The following BORCS5 variants were observed in gnomAD, a reference collection of about 807,000 sequenced individuals.
BORCS5 encodes BLOC-1 related complex subunit 5.
In BORCS5, 17 loss-of-function variants were observed where a neutral mutation model predicts 22.1. The ratio of observed to expected loss-of-function variants is 0.77; its 90% confidence interval spans 0.53 to 1.15. BORCS5 has a LOEUF of 1.15. Ranked by LOEUF, BORCS5 falls within the 50% of genes most tolerant of loss-of-function variation. The pLI, the probability that BORCS5 is intolerant of heterozygous loss-of-function variation, is 0.00. For synonymous variants in BORCS5, 117 were observed against 99.8 expected (o/e 1.17, Z -1.03); for missense variants, 247 against 253.2 (o/e 0.98, Z 0.17).
In BORCS5 at chr12:12,361,214, T is replaced by A; in HGVS notation, c.67T>A (p.Ser23Thr). Reference sequence around the variant, plus strand: ...TGTAACTTTATTTTCAGTGACTCCTTCACCAGCCAAGCATAGAGCCAAGAT... The same window carrying A: ...TGTAACTTTATTTTCAGTGACTCCTACACCAGCCAAGCATAGAGCCAAGAT... ...PNDLNSSVTP[S>T]PAKHRAKMDD... The change falls in exon 2 of 4, where the codon TCA (serine) becomes ACA (threonine). Residue 23 changes from serine to threonine, a missense_variant. Coordinates refer to ENST00000314565, the MANE Select transcript of BORCS5 (RefSeq NM_058169.6). The A allele has an allele frequency of 6.2e-7, 1 of 1,613,954 alleles. No individual in the cohort carries two copies. The highest frequency in any genetic ancestry group is 2.2e-5 in the East Asian group (1 of 44,862).
chr12:12,435,601 T>G, intron 2 of BORCS5, 27 bp from the exon 3 acceptor site: 1 of 1,587,388 alleles, frequency 6.3e-7, no homozygotes, highest in Non-Finnish European at 8.6e-7. Flanking sequence ...TAATTTTAAT[T>G]TCATTTCATT....
intron 2 of BORCS5, among the ~76,000 whole-genome samples, chr12:12,418,891 C>T (rs114884824): frequency 6.6e-6 from 1 of 152,042 alleles, no homozygotes; most frequent in Non-Finnish European, 1.5e-5. Context: ...GTGGCACTTA[C>T]TTCTGTCATT....
chr12:12,418,639 A>G (rs938827071), intron 2 of BORCS5, among the ~76,000 whole-genome samples: 1 of 152,212 alleles, frequency 6.6e-6, no homozygotes, highest in Non-Finnish European at 1.5e-5. Context: ...GTGAGCTATC[A>G]TCATGCCATT....
At chr12:12,414,395 A>C (rs1219294927) in intron 2 of BORCS5, among the ~76,000 whole-genome samples, 2 of 73,502 alleles carry the variant, frequency 2.7e-5, no homozygotes, top group Admixed American at 1.3e-4. Flanking sequence ...TGACCCCCCC[A>C]CCTCCCTCCC....
At chr12:12,414,071 A>C (rs1267584559) in intron 2 of BORCS5, among the ~76,000 whole-genome samples, 1 of 63,334 alleles carries the variant, frequency 1.6e-5, no homozygotes, top group Admixed American at 1.3e-4. Flanking sequence ...TGATCCCCCC[A>C]CATCCCTCCC....
chr12:12,416,750 C>T (rs549451391), intron 2 of BORCS5, among the ~76,000 whole-genome samples: 16 of 151,460 alleles, frequency 1.1e-4, no homozygotes, highest in Middle Eastern at 3.4e-3. Context: ...TTTGAGTCAC[C>T]GCACCCAACT....
chr12:12,364,141 C>G (rs1388496812), intron 2 of BORCS5, among the ~76,000 whole-genome samples: 3 of 151,946 alleles, frequency 2.0e-5, no homozygotes, highest in Non-Finnish European at 2.9e-5. Context: ...TTTGGGAGGC[C>G]GAGGAGGATG....
chr12:12,427,244 A>T (rs1168209985), intron 2 of BORCS5, among the ~76,000 whole-genome samples: 1 of 135,766 alleles, frequency 7.4e-6, no homozygotes, highest in Non-Finnish European at 1.5e-5. Flanking sequence ...TTGGTGGCAC[A>T]ATCTCGGCTC....
intron 2 of BORCS5, among the ~76,000 whole-genome samples, chr12:12,416,981 G>T (rs147290709): frequency 6.6e-6 from 1 of 150,824 alleles, no homozygotes; most frequent in Non-Finnish European, 1.5e-5. Flanking sequence ...AGTAGAGGTG[G>T]TGTTTCACCA....
At chr12:12,364,463 T>C (rs1048744504) in intron 2 of BORCS5, among the ~76,000 whole-genome samples, 3 of 152,192 alleles carry the variant, frequency 2.0e-5, no homozygotes, top group Admixed American at 6.5e-5. Flanking sequence ...TGTCTTCACG[T>C]TGAGTAGGCC....
chr12:12,359,897 C>A (rs1173366746), intron 1 of BORCS5, among the ~76,000 whole-genome samples: 1 of 151,894 alleles, frequency 6.6e-6, no homozygotes, highest in Non-Finnish European at 1.5e-5. Flanking sequence ...TGACTTTGGG[C>A]AAGTCACAGT....
At chr12:12,462,922 T>TCTGGGATTA (rs11280753) in intron 3 of BORCS5, among the ~76,000 whole-genome samples, 93,962 of 151,334 alleles carry the variant, frequency 0.62, 30,394 homozygotes, top group African/African-American at 0.8. Context: ...CTCCCAAAGT[T>TCTGGGATTA]CTGGTATGAG....
chr12:12,436,224 A>G (rs771137220), intron 3 of BORCS5, among the ~76,000 whole-genome samples: 1 of 152,222 alleles, frequency 6.6e-6, no homozygotes. Context: ...TTTCTTTCAA[A>G]GCAGGAGCTT....
chr12:12,391,631 G>T (rs567121130), intron 2 of BORCS5, among the ~76,000 whole-genome samples: 2 of 150,748 alleles, frequency 1.3e-5, no homozygotes, highest in African/African-American at 4.9e-5. Context: ...CAAATGATGC[G>T]CCCGCCTTGG....
At chr12:12,455,566 G>A (rs1390827784) in intron 3 of BORCS5, among the ~76,000 whole-genome samples, 1 of 152,146 alleles carries the variant, frequency 6.6e-6, no homozygotes, top group African/African-American at 2.4e-5. Context: ...GATCACCTGA[G>A]GTTAGGAGTT....
intron 2 of BORCS5, among the ~76,000 whole-genome samples, chr12:12,408,715 C>T (rs182005055): frequency 6.6e-6 from 1 of 152,268 alleles, no homozygotes; most frequent in Admixed American, 6.5e-5. Flanking sequence ...CATGTTGTTG[C>T]ATAGGTCAGA....
At chr12:12,422,273 CTTTCT>C (rs2136106173) in intron 2 of BORCS5, among the ~76,000 whole-genome samples, 1 of 145,728 alleles carries the variant, frequency 6.9e-6, no homozygotes, top group Admixed American at 7.1e-5. Flanking sequence ...ACCAGCTTAG[CTTTCT>C]TTTCTTTTAT....
At chr12:12,391,309 A>C (rs1941177074) in intron 2 of BORCS5, among the ~76,000 whole-genome samples, 1 of 152,088 alleles carries the variant, frequency 6.6e-6, no homozygotes. Context: ...AAAGAGGTAG[A>C]GGCATATCAA....
intron 2 of BORCS5, among the ~76,000 whole-genome samples, chr12:12,367,885 G>A (rs1863437498): frequency 6.6e-6 from 1 of 152,178 alleles, no homozygotes; most frequent in Non-Finnish European, 1.5e-5. Context: ...CTAGCTTAGT[G>A]GACCTCTTTC....
Sources: allele counts gnomAD v4.1 joint callset (sites outside exome capture counted in the v4.1 genomes callset), GRCh38; gene constraint gnomAD v4.1.1; transcripts MANE v1.5; gene names NCBI Gene and HGNC (gene_info 2026-07-23, HGNC 2026-07-21).